ZNF544: variants seen among roughly 807,000 people sequenced by gnomAD.
ZNF544 encodes the protein zinc finger protein AF020591.
Under a neutral mutation model 13.5 loss-of-function variants are expected in ZNF544, and 10 were observed. The ratio of observed to expected loss-of-function variants is 0.74; its 90% confidence interval spans 0.46 to 1.25. The LOEUF (loss-of-function observed/expected upper bound fraction) is 1.25. Ranked by LOEUF, ZNF544 falls within the 50% of genes most tolerant of loss-of-function variation. The pLI is 0.00. For synonymous variants in ZNF544, 323 were observed against 300.5 expected (o/e 1.07, Z -0.77); for missense variants, 896 against 845.6 (o/e 1.06, Z -0.74).
intron 5 of ZNF544, among the ~76,000 whole-genome samples, chr19:58,273,589 A>C (rs1033337275): frequency 6.7e-6 from 1 of 149,472 alleles, no homozygotes; most frequent in Non-Finnish European, 1.5e-5. Flanking sequence ...ATTTGGGAGG[A>C]TGAGGCAGGA....
chr19:58,240,225 T>TA (rs2043269238), intron 3 of ZNF544, among the ~76,000 whole-genome samples: 1 of 151,946 alleles, frequency 6.6e-6, no homozygotes, highest in Non-Finnish European at 1.5e-5. Context: ...GCTCAGAGGT[T>TA]ACAGCCAGTC....
chr19:58,273,435 A>C (rs1050249825), intron 5 of ZNF544, among the ~76,000 whole-genome samples: 1 of 152,178 alleles, frequency 6.6e-6, no homozygotes, highest in Non-Finnish European at 1.5e-5. Flanking sequence ...TCACGCCTGT[A>C]ATCCCAGCAC....
Position 58,261,687 on chromosome 19 carries a change from A to G in ZNF544, c.1081A>G (p.Lys361Glu), listed in dbSNP as rs148539210. The change falls in exon 7 of 7, where the codon AAA (lysine) becomes GAA (glutamate). Residue 361 changes from lysine (K) to glutamate (E), a missense_variant. Transcript: ENST00000687789. ...GCCATCTGTGTGTAATCAGTGTGGA[A>G]AATCTTTCAGCTGTTGTAAGCTCAT... ...EKPSVCNQCGKSFSCCKLIHQ... is the reference protein window; with the variant it reads ...EKPSVCNQCGESFSCCKLIHQ... 86 of 1,614,246 alleles carry G rather than the reference A, an allele frequency of 5.3e-5. No individual in the cohort carries two copies. The African/African-American group carries it at 1.1e-3, about 20-fold the overall frequency.
rs2040964834 is a variant in ZNF544 at position 58,230,474 on chromosome 19, A to G, written c.-60+12A>G. ...TCCTACAGTGGCAGGTAATGGAGCCAGTACTTTGACAGCAGGTTGCAAAGT... is the reference window on the plus strand; with the variant it reads ...TCCTACAGTGGCAGGTAATGGAGCCGGTACTTTGACAGCAGGTTGCAAAGT... On this transcript the variant is annotated intron_variant, in intron 3 of 6. Coordinates refer to ENST00000687789, the MANE Select transcript of ZNF544 (RefSeq NM_014480.4). 1 of 152,342 alleles carries G rather than the reference A, an allele frequency of 6.6e-6. No homozygotes were observed. The highest frequency in any genetic ancestry group is 2.1e-4 in the South Asian group (1 of 4,838). 9.4% of individuals were successfully genotyped at this position (152,342 alleles called of 1,614,324 possible).
At chr19:58,234,210 C>A (rs2041935808) in intron 3 of ZNF544, among the ~76,000 whole-genome samples, 1 of 152,140 alleles carries the variant, frequency 6.6e-6, no homozygotes, top group African/African-American at 2.4e-5. Context: ...TAGCTGTGGC[C>A]CTTGCCTTTC....
Position 58,246,385 on chromosome 19 carries a change from C to T in ZNF544, c.118C>T (p.Arg40Ter), listed in dbSNP as rs192914133. ...GGACCTGGCCCAGAGGACACTGTACCGAGAGGTGACACTGGAGACCTGGGA... is the reference window on the plus strand; with the variant it reads ...GGACCTGGCCCAGAGGACACTGTACTGAGAGGTGACACTGGAGACCTGGGA... ...QLDLAQRTLYREVTLETWEHI... is the reference protein window; with the variant it reads ...QLDLAQRTLY The change falls in exon 5 of 7, where the codon CGA becomes TGA. Residue 40 changes from arginine to a stop codon, truncating the protein, a stop_gained. Transcript: ENST00000687789. LOFTEE classifies it high-confidence loss of function. 20 of 1,614,040 alleles carry T rather than the reference C, an allele frequency of 1.2e-5. No homozygotes were observed. The East Asian group carries it at 1.8e-4, about 14-fold the overall frequency.
rs778728840 is a variant in ZNF544 at position 58,262,490 on chromosome 19, G to A, written c.1884G>A (p.Gly628=). The A allele has an allele frequency of 5.0e-6, 8 of 1,614,096 alleles. No individual in the cohort carries two copies. Among genetic ancestry groups the A allele is most frequent in the Non-Finnish European group, 6.8e-6 (8 of 1,180,018 alleles). The change falls in exon 7 of 7, where the codon GGG becomes GGA. Residue 628 remains glycine (G), a synonymous_variant. Coordinates refer to ENST00000687789, the MANE Select transcript of ZNF544 (RefSeq NM_014480.4). ...TCAGGCATCTGCAAATTCACACTGGGGAGAAGCCGTACAAATGCAATCAGT... is the reference window on the plus strand; with the variant it reads ...TCAGGCATCTGCAAATTCACACTGGAGAGAAGCCGTACAAATGCAATCAGT... ...QLIRHLQIHT[G]EKPYKCNQCN...
chr19:58,242,644 A>G, intron 3 of ZNF544, among the ~76,000 whole-genome samples: 1 of 149,646 alleles, frequency 6.7e-6, no homozygotes, highest in Non-Finnish European at 1.5e-5. Flanking sequence ...CCCTACCCCC[A>G]CCAGTTGCTG....
rs377303954 is a variant in ZNF544, at chr19:58,263,392, C to T, written c.*638C>T. ...GGGAGGATCACTTGAGCTTGGGAGG[C>T]GGTGGTTGCAGTGAGCTGTGATCAT... On this transcript the variant is annotated 3_prime_UTR_variant, in exon 7 of 7. Transcript: ENST00000687789. 3.2e-5 allele frequency: 31 copies of T among 973,804 alleles called. No individual in the cohort carries two copies. The highest frequency in any genetic ancestry group is 7.0e-5 in the African/African-American group (4 of 56,754). 60.3% of individuals were successfully genotyped at this position (973,804 alleles called of 1,614,324 possible).
At chr19:58,235,201 C>G (rs2042125920) in intron 3 of ZNF544, among the ~76,000 whole-genome samples, 1 of 152,206 alleles carries the variant, frequency 6.6e-6, no homozygotes, top group Admixed American at 6.5e-5. Context: ...GGCTGCAAAG[C>G]TACACAGCGT....
chr19:58,262,609 C>T lies in ZNF544; in HGVS notation c.2003C>T (p.Ala668Val), dbSNP rs142749341. The change falls in exon 7 of 7, where the codon GCC (alanine) becomes GTC (valine). Residue 668 changes from alanine to valine, a missense_variant. By Grantham distance (64) the Ala-to-Val change is moderately conservative. Coordinates refer to ENST00000687789, the MANE Select transcript of ZNF544 (RefSeq NM_014480.4). ...TTTGAGTGTAGTCAGTGTGGGAAAG[C>T]CTTTTCAGGGAGCTCTAACCTTCTT... ...KPFECSQCGK[A>V]FSGSSNLLSH... The T allele has an allele frequency of 5.6e-6, 9 of 1,614,166 alleles. No homozygotes were observed. Among genetic ancestry groups the T allele is most frequent in the Non-Finnish European group, 6.8e-6 (8 of 1,180,030 alleles).
intron 5 of ZNF544, among the ~76,000 whole-genome samples, chr19:58,275,783 CAAAA>C (rs57148438): frequency 3.0e-4 from 20 of 66,230 alleles, no homozygotes; most frequent in African/African-American, 9.0e-4. Context: ...GACCCTGTCT[CAAAA>C]AAAAAAAAAA....
At chr19:58,256,872 G>C (rs1271888549) in intron 6 of ZNF544, among the ~76,000 whole-genome samples, 1 of 152,184 alleles carries the variant, frequency 6.6e-6, no homozygotes, top group African/African-American at 2.4e-5. Flanking sequence ...TGAGAAGCAA[G>C]GCTAGGTGAT....
At chr19:58,253,729 C>T (rs2046704920) in intron 6 of ZNF544, among the ~76,000 whole-genome samples, 1 of 152,216 alleles carries the variant, frequency 6.6e-6, no homozygotes, top group African/African-American at 2.4e-5. Flanking sequence ...CACTAGCCAC[C>T]ATGCCCGGCC....
chr19:58,230,992 G>C (rs891488856), intron 3 of ZNF544, among the ~76,000 whole-genome samples: 7 of 152,128 alleles, frequency 4.6e-5, no homozygotes, highest in Non-Finnish European at 8.8e-5. Flanking sequence ...AGTAGGGTGT[G>C]AGAGCATGAG....
At chr19:58,248,210 C>T (rs1054387445) in intron 6 of ZNF544, among the ~76,000 whole-genome samples, 2 of 151,854 alleles carry the variant, frequency 1.3e-5, no homozygotes, top group African/African-American at 4.8e-5. Context: ...CTACCCCTTG[C>T]CCTTGAGGCA....
intron 3 of ZNF544, among the ~76,000 whole-genome samples, chr19:58,239,940 A>T (rs945811086): frequency 1.3e-5 from 2 of 152,182 alleles, no homozygotes; most frequent in East Asian, 3.9e-4. Flanking sequence ...GCACGCATGT[A>T]AACGGGAGTC....
intron 3 of ZNF544, among the ~76,000 whole-genome samples, chr19:58,235,326 G>T (rs756527838): frequency 2.0e-5 from 3 of 152,170 alleles, no homozygotes; most frequent in Non-Finnish European, 2.9e-5. Flanking sequence ...GATAAAAAAT[G>T]GCCCACCTGT....
In ZNF544 at chr19:58,261,306, G is replaced by A. The variant is rs779239761; in HGVS notation, c.700G>A (p.Val234Ile). The A allele has an allele frequency of 1.2e-5, 20 of 1,614,158 alleles. No homozygotes were observed. Among genetic ancestry groups the A allele is most frequent in the South Asian group, 7.7e-5 (7 of 91,082 alleles). The change falls in exon 7 of 7, where the codon GTT becomes ATT. Residue 234 changes from valine to isoleucine, a missense_variant. Val to Ile is a conservative substitution (Grantham distance 29). Transcript: ENST00000687789. ...TATTTACTTGAGTAAACTTGGAAAC[G>A]TTGAAACAGGAAAGAAAAACCCTTA... ...QSIYLSKLGNVETGKKNPYEY... is the reference protein window; with the variant it reads ...QSIYLSKLGNIETGKKNPYEY...
Sources: gnomAD v4.1 joint callset for allele counts (sites outside exome capture counted in the v4.1 genomes callset) on GRCh38, gnomAD v4.1.1 for gene constraint, MANE v1.5 for transcripts, NCBI Gene and HGNC (gene_info 2026-07-23, HGNC 2026-07-21) for gene names.